Variants in ABCF3 observed in about 807,000 individuals in gnomAD.
ABCF3 encodes ATP binding cassette subfamily F member 3.
ABCF3 carries 62 observed loss-of-function variants against 94.3 expected under a neutral mutation model. That is an observed-to-expected ratio of 0.66 (90% CI 0.54 to 0.81). The LOEUF is 0.81. Ranked by LOEUF, ABCF3 falls within the 40% of genes least tolerant of loss-of-function variation. The pLI is 0.00. For missense variants in ABCF3, 843 were observed against 925.3 expected, an observed-to-expected ratio of 0.91 and a Z score of 1.15; for synonymous variants, 355 against 361.1, an observed-to-expected ratio of 0.98 and a Z score of 0.19.
At position 184,190,984 on chromosome 3, in the gene ABCF3, C is replaced by T. The variant is rs776825514; in HGVS notation, c.1392-15C>T. 6.8e-6 allele frequency: 11 copies of T among 1,613,976 alleles called. No homozygotes were observed. Among genetic ancestry groups the T allele is most frequent in the Non-Finnish European group, 9.3e-6 (11 of 1,179,968 alleles). ...TTTAAGTAATAAATCTAGTCTACCTCATCTCTTCTCCCAGGCCTGAGCTGA... is the reference window on the plus strand; with the variant it reads ...TTTAAGTAATAAATCTAGTCTACCTTATCTCTTCTCCCAGGCCTGAGCTGA... On this transcript the variant is annotated splice_polypyrimidine_tract_variant and intron_variant, in intron 14 of 20. Coordinates refer to ENST00000429586, the MANE Select transcript of ABCF3 (RefSeq NM_018358.3).
intron 13 of ABCF3, 45 bp downstream of exon 13, chr3:184,189,802 G>T (rs372811282): frequency 5.7e-5 from 92 of 1,613,970 alleles, no homozygotes; most frequent in Non-Finnish European, 7.0e-5. Context: ...AGGGGTTCCA[G>T]AGTGGGGGAT....
rs771694452 is a variant in ABCF3, at chr3:184,188,204, G to T, written c.633G>T (p.Arg211=). The T allele has an allele frequency of 3.5e-5, 56 of 1,614,098 alleles. No individual in the cohort carries two copies. The highest frequency in any genetic ancestry group is 4.7e-5 in the Non-Finnish European group (55 of 1,180,042). ...GCCGCCGTTACGGGCTGGTGGGGCG[G>T]AATGGGTTGGGGAAGACAACGTTAC... ...AWGRRYGLVG[R]NGLGKTTLLK... The change falls in exon 7 of 21, where the codon CGG becomes CGT. Residue 211 remains arginine (R), a synonymous_variant. Transcript: ENST00000429586.
Position 184,186,501 on chromosome 3 carries a change from G to A in ABCF3, c.74-6G>A, listed in dbSNP as rs1207343220. On this transcript the variant is annotated splice_polypyrimidine_tract_variant and splice_region_variant and intron_variant, in intron 1 of 20. Transcript: ENST00000429586. ...TACCTTCCTCGTTCTACCACGCCCTGCCCAGGCGTCTTGCACAGCGGCAGC... is the reference window on the plus strand; with the variant it reads ...TACCTTCCTCGTTCTACCACGCCCTACCCAGGCGTCTTGCACAGCGGCAGC... The A allele has an allele frequency of 1.9e-6, 3 of 1,607,666 alleles. No homozygotes were observed. Among genetic ancestry groups the A allele is most frequent in the Non-Finnish European group, 2.5e-6 (3 of 1,176,592 alleles).
chr3:184,187,357 C>A, intron 3 of ABCF3, 40 bp from the exon 4 acceptor site: 1 of 1,613,280 alleles, frequency 6.2e-7, no homozygotes, highest in Non-Finnish European at 8.5e-7. Flanking sequence ...AGTTTCCCTT[C>A]CCTCAGGGAG....
rs774955173 is a variant in ABCF3 at position 184,188,429 on chromosome 3, G to A, written c.836+22G>A. 4.4e-6 allele frequency: 7 copies of A among 1,592,280 alleles called. No individual in the cohort carries two copies. The East Asian group carries it at 1.6e-4, about 36-fold the overall frequency. On this transcript the variant is annotated intron_variant, in intron 7 of 20. Coordinates refer to ENST00000429586, the MANE Select transcript of ABCF3 (RefSeq NM_018358.3). ...GCAGGTGAGGACTCCCGGCTAGGGAGTAACTAGCAGCCGCTGTCGCTTACA... is the reference window on the plus strand; with the variant it reads ...GCAGGTGAGGACTCCCGGCTAGGGAATAACTAGCAGCCGCTGTCGCTTACA...
At chr3:184,187,310 T>C (rs774007992) in intron 3 of ABCF3, 87 bp from the exon 4 acceptor site, 105 of 1,467,940 alleles carry the variant, frequency 7.2e-5, no homozygotes, top group Non-Finnish European at 1.0e-4. Flanking sequence ...AAAACATCTG[T>C]GTCTGTGCCT....
intron 16 of ABCF3, among the ~76,000 whole-genome samples, chr3:184,192,388 C>A (rs1246686020): frequency 2.0e-5 from 3 of 152,110 alleles, no homozygotes; most frequent in African/African-American, 7.2e-5. Flanking sequence ...TCCATTCCTC[C>A]TATCTAACTG....
intron 3 of ABCF3, 59 bp from the exon 4 acceptor site, chr3:184,187,338 C>A: frequency 6.2e-7 from 1 of 1,605,842 alleles, no homozygotes; most frequent in South Asian, 1.1e-5. Flanking sequence ...ATTAGTCACT[C>A]AAAATGTTAG....
intron 6 of ABCF3, 28 bp from the exon 7 acceptor site, chr3:184,188,113 C>A: frequency 6.2e-7 from 1 of 1,610,778 alleles, no homozygotes; most frequent in African/African-American, 1.3e-5. Context: ...TCTAGAGCAT[C>A]TTTGGTCTCC....
In ABCF3 at chr3:184,193,098, C is replaced by T. The variant is rs1577070928; in HGVS notation, c.1751-4C>T. The stretch of plus-strand genomic sequence containing the variant: ...GCCACCTGATCTGGGGAGTCCTTTT[C>T]CAGGGCGGCCTGAGGAGGAGTACCG... On this transcript the variant is annotated splice_region_variant and splice_polypyrimidine_tract_variant and intron_variant, in intron 18 of 20. Transcript: ENST00000429586. The surrounding 1 kb of genome is among the most constrained non-coding windows in gnomAD (Gnocchi z 5.2). The T allele has an allele frequency of 6.5e-7, 1 of 1,534,366 alleles. No homozygotes were observed.
rs1259545436 is a variant in ABCF3 at position 184,187,596 on chromosome 3, A to G, written c.349-68A>G. On this transcript the variant is annotated intron_variant, in intron 4 of 20. Coordinates refer to ENST00000429586, the MANE Select transcript of ABCF3 (RefSeq NM_018358.3). ...GGTAAGTTAAGAGGGTTTACTCGAG[A>G]TGTTCTCTCTTGGGGTTCCTTTCTG... The G allele has an allele frequency of 5.1e-6, 8 of 1,583,346 alleles. No homozygotes were observed. The African/African-American group carries it at 5.4e-5, about 11-fold the overall frequency.
In ABCF3 at chr3:184,193,870, T is replaced by C; in HGVS notation, c.*172T>C. On this transcript the variant is annotated 3_prime_UTR_variant, in exon 21 of 21. Coordinates refer to ENST00000429586, the MANE Select transcript of ABCF3 (RefSeq NM_018358.3). This position sits in a 1 kb window ranked among gnomAD's most constrained non-coding sequence, Gnocchi z 5.2. ...TCTTCTGCACAACCTTGGGAGCCCA[T>C]CCAAGGGTTGGTGAGGACTGGTCTC... 1.1e-6 allele frequency: 1 copy of C among 890,322 alleles called. No individual in the cohort carries two copies. The highest frequency in any genetic ancestry group is 1.6e-6 in the Non-Finnish European group (1 of 609,568). The allele number at this position is 890,322 out of a possible 1,614,324, so 55.2% of individuals were successfully genotyped here. A position where few individuals can be genotyped will look rare whatever the true frequency, so the allele number is the denominator to read the frequency against.
At chr3:184,192,506 A>G (rs1716090095) in intron 16 of ABCF3, 95 bp from the exon 17 acceptor site, 4 of 1,169,924 alleles carry the variant, frequency 3.4e-6, no homozygotes, top group Non-Finnish European at 4.9e-6. Context: ...CTCTACTTCT[A>G]TGTGCTCAAC....
In ABCF3 at chr3:184,189,712, G is replaced by C. The variant is rs1441117149; in HGVS notation, c.1269G>C (p.Gln423His). The change falls in exon 13 of 21, where the codon CAG (glutamine) becomes CAC (histidine). Residue 423 changes from glutamine to histidine, a missense_variant. By Grantham distance (24) the Gln-to-His change is conservative. Transcript: ENST00000429586. ...GTAAGCAGGAGCGGCTGCTCAACCA[G>C]CAGCGTGAATATGAGGCGCAGCAGC... ...IKSKQERLLNQQREYEAQQQY... is the reference protein window; with the variant it reads ...IKSKQERLLNHQREYEAQQQY... 8 of 1,613,954 alleles carry C rather than the reference G, an allele frequency of 5.0e-6. No individual in the cohort carries two copies. The highest frequency in any genetic ancestry group is 1.6e-4 in the Middle Eastern group (1 of 6,084).
At chr3:184,190,150 A>G (rs947114013) in intron 14 of ABCF3, 4 of 594,164 alleles carry the variant, frequency 6.7e-6, no homozygotes, top group Non-Finnish European at 1.2e-5. Context: ...TTCTGCTTCT[A>G]CGTATCTGCT....
chr3:184,187,558 T>G (rs949125553), intron 4 of ABCF3, 106 bp from the exon 5 acceptor site: 4 of 1,539,504 alleles, frequency 2.6e-6, no homozygotes, highest in African/African-American at 2.7e-5. Context: ...AGCCTTTGAG[T>G]CTGTTCATCA....
rs755216413 is a variant in ABCF3 at position 184,187,725 on chromosome 3, G to A, written c.410G>A (p.Arg137His). Residue 137 changes from arginine (R) to histidine (H), a missense_variant, in exon 5 of 21, where the codon CGC becomes CAC. Transcript: ENST00000429586. ...EARLKAKQEKRSEKDTLKTSN... is the reference protein window; with the variant it reads ...EARLKAKQEKHSEKDTLKTSN... ...CGACTTAAGGCAAAGCAGGAGAAGC[G>A]CTCAGAGAAGGACACGCTCAAGACC... 29 of 1,614,072 alleles carry A rather than the reference G, an allele frequency of 1.8e-5. No individual in the cohort carries two copies. Among genetic ancestry groups the A allele is most frequent in the Non-Finnish European group, 2.2e-5 (26 of 1,180,044 alleles).
At chr3:184,186,467 C>T in intron 1 of ABCF3, 40 bp from the exon 2 acceptor site, 3 of 1,591,348 alleles carry the variant, frequency 1.9e-6, no homozygotes, top group African/African-American at 1.3e-5. Flanking sequence ...GTGTGTCCAC[C>T]CTACCCGATA....
chr3:184,190,316 C>T (rs910335038), intron 14 of ABCF3: 5 of 243,664 alleles, frequency 2.1e-5, no homozygotes, highest in Non-Finnish European at 3.2e-5. Context: ...TGTGGATATA[C>T]AGCATTTTGT....
Sources: allele counts gnomAD v4.1 joint callset (sites outside exome capture counted in the v4.1 genomes callset), GRCh38; gene constraint gnomAD v4.1.1; non-coding constraint Gnocchi (gnomAD v3.1); transcripts MANE v1.5; gene names NCBI Gene and HGNC (gene_info 2026-07-23, HGNC 2026-07-21).